The following CNGA1 variants were observed in gnomAD, a reference collection of about 807,000 sequenced individuals.
CNGA1 encodes cyclic nucleotide gated channel subunit alpha 1, also known as cyclic nucleotide-gated channel alpha-1.
In CNGA1, 53 loss-of-function variants were observed where a neutral mutation model predicts 69.7. The observed-to-expected ratio is 0.76, with a 90% CI of 0.61 to 0.96. The LOEUF (loss-of-function observed/expected upper bound fraction) is 0.96. Ranked by LOEUF, CNGA1 falls within the 40% of genes least tolerant of loss-of-function variation. The pLI is 0.00. For synonymous variants in CNGA1, 249 were observed against 283.5 expected (o/e 0.88, Z 1.22); for missense variants, 739 against 811.2 (o/e 0.91, Z 1.08).
rs538620397 is a variant in CNGA1, at chr4:47,960,221, C to T, written c.-14-7518G>A. Among the ~76,000 whole-genome samples the T allele has an allele frequency of 3.2e-3, 484 of 152,300 alleles. 1 individual carries two copies. The highest frequency in any genetic ancestry group is 5.5e-3 in the Non-Finnish European group (371 of 68,014). The stretch of plus-strand genomic sequence containing the variant: ...AAATTAAAACCACAAGATACTTTTT[C>T]ACACCTAGTACAATGGCTAAAATTT... On this transcript the variant is annotated intron_variant, in intron 3 of 10. Transcript: ENST00000514170.
At chr4:47,988,981 TAAAA>T (rs1278822068) in intron 2 of CNGA1, among the ~76,000 whole-genome samples, 7 of 143,932 alleles carry the variant, frequency 4.9e-5, no homozygotes, top group South Asian at 4.2e-4. Flanking sequence ...TTCTTAGTTT[TAAAA>T]AAAAAAAGGA....
intron 6 of CNGA1, among the ~76,000 whole-genome samples, chr4:47,943,960 T>C (rs1161418373): frequency 6.6e-6 from 1 of 152,216 alleles, no homozygotes; most frequent in African/African-American, 2.4e-5. Flanking sequence ...CAATTTCTTC[T>C]TGAGTGGAGA....
At chr4:47,991,297 T>C (rs1053624737) in intron 2 of CNGA1, among the ~76,000 whole-genome samples, 22 of 152,318 alleles carry the variant, frequency 1.4e-4, no homozygotes, top group East Asian at 3.9e-4. Context: ...TGTTCCCTCT[T>C]CACCGCATCC....
intron 3 of CNGA1, among the ~76,000 whole-genome samples, chr4:47,960,586 G>A (rs1740378532): frequency 6.6e-6 from 1 of 152,042 alleles, no homozygotes; most frequent in Non-Finnish European, 1.5e-5. Context: ...AAACACATAT[G>A]ATGAAATGAA....
intron 5 of CNGA1, 31 bp downstream of exon 5, chr4:47,951,322 C>G: frequency 7.1e-7 from 1 of 1,409,754 alleles, no homozygotes; most frequent in East Asian, 2.3e-5. Context: ...TGGTTAAAAA[C>G]AAGCACCAAG....
chr4:48,009,390 G>A (rs148459808), intron 2 of CNGA1, among the ~76,000 whole-genome samples: 203 of 150,758 alleles, frequency 1.3e-3, no homozygotes, highest in South Asian at 2.1e-3. Flanking sequence ...ACTTGAACCC[G>A]GGAAGCAGAG....
intron 3 of CNGA1, among the ~76,000 whole-genome samples, chr4:47,954,737 C>A (rs1739959906): frequency 6.6e-6 from 1 of 152,210 alleles, no homozygotes; most frequent in African/African-American, 2.4e-5. Flanking sequence ...GAACATACTT[C>A]TGTTCAAAAC....
chr4:48,004,909 A>G (rs1035647707), intron 2 of CNGA1, among the ~76,000 whole-genome samples: 2 of 152,114 alleles, frequency 1.3e-5, no homozygotes, highest in African/African-American at 2.4e-5. Context: ...AAGAAACTGA[A>G]AGCAATATTT....
intron 2 of CNGA1, among the ~76,000 whole-genome samples, chr4:47,989,853 G>A: frequency 6.6e-6 from 1 of 151,638 alleles, no homozygotes; most frequent in East Asian, 1.9e-4. Flanking sequence ...ATTGCGGGAA[G>A]TCAAGAACCC....
intron 2 of CNGA1, among the ~76,000 whole-genome samples, chr4:48,003,627 C>T (rs530300699): frequency 6.6e-6 from 1 of 151,886 alleles, no homozygotes; most frequent in East Asian, 1.9e-4. Flanking sequence ...CTCTTTATTC[C>T]AATATTATAA....
Position 48,006,153 on chromosome 4 carries a change from TCTCC to T in CNGA1, c.-123+4637_-123+4640del, listed in dbSNP as rs1187533457. ...GCTTGATATTCATGAATATTTTATC[TCTCC>T]ATGAGTCCTGAAAGTTTTTCATCTA... On this transcript the variant is annotated intron_variant, in intron 2 of 10. Transcript: ENST00000514170. 1.8e-4 allele frequency among the ~76,000 whole-genome samples: 28 copies of T among 152,268 alleles called. No individual in the cohort carries two copies. In the East Asian group the frequency reaches 5.2e-3, roughly 28 times the overall value.
At chr4:47,938,678 A>C (rs1738848218) in intron 10 of CNGA1, among the ~76,000 whole-genome samples, 1 of 152,102 alleles carries the variant, frequency 6.6e-6, no homozygotes, top group Non-Finnish European at 1.5e-5. Context: ...GGCATGAGCC[A>C]CTGAGCGCGG....
chr4:48,005,126 T>G (rs113081361), intron 2 of CNGA1, among the ~76,000 whole-genome samples: 5 of 151,418 alleles, frequency 3.3e-5, no homozygotes, highest in South Asian at 2.1e-4. Flanking sequence ...ATTTATTTAT[T>G]TATTTATTTG....
chr4:47,985,020 T>G (rs1319931265), intron 2 of CNGA1, among the ~76,000 whole-genome samples: 1 of 152,196 alleles, frequency 6.6e-6, no homozygotes, highest in East Asian at 1.9e-4. Context: ...GGACTGAGTT[T>G]GAATCTCAGC....
At chr4:48,009,015 G>A (rs1715036022) in intron 2 of CNGA1, among the ~76,000 whole-genome samples, 2 of 151,782 alleles carry the variant, frequency 1.3e-5, no homozygotes, top group Non-Finnish European at 2.9e-5. Context: ...GGGTTTATAG[G>A]TTTGTAACCC....
At chr4:48,004,285 A>C (rs1357428856) in intron 2 of CNGA1, among the ~76,000 whole-genome samples, 13 of 152,120 alleles carry the variant, frequency 8.5e-5, no homozygotes, top group Admixed American at 7.9e-4. Flanking sequence ...CTTGTATCCA[A>C]TAAATATCAG....
chr4:47,942,287 G>T, intron 8 of CNGA1, 139 bp from the exon 9 acceptor site: 1 of 655,440 alleles, frequency 1.5e-6, no homozygotes, highest in Non-Finnish European at 2.8e-6. Flanking sequence ...GCAGTGTGAA[G>T]ATTAGCATGG....
Position 47,951,349 on chromosome 4 carries a change from T to C in CNGA1, c.224+4A>G. 6.4e-7 allele frequency: 1 copy of C among 1,563,082 alleles called. No homozygotes were observed. The highest frequency in any genetic ancestry group is 8.8e-7 in the Non-Finnish European group (1 of 1,133,836). ...AGCACCAAGGGATGGATCATACTGC[T>C]CACCTCTGTGATGGTCCTCCCTTTC... On this transcript the variant is annotated splice_donor_region_variant and intron_variant, in intron 5 of 10. Coordinates refer to ENST00000514170, the MANE Select transcript of CNGA1 (RefSeq NM_001379270.1).
intron 1 of CNGA1, among the ~76,000 whole-genome samples, chr4:48,011,346 A>C (rs985518972): frequency 8.6e-5 from 13 of 151,954 alleles, no homozygotes; most frequent in Admixed American, 1.3e-4. Context: ...GGGAGAGAAA[A>C]AAAACAAAAC....
Sources: gnomAD v4.1 joint callset for allele counts (sites outside exome capture counted in the v4.1 genomes callset) on GRCh38, gnomAD v4.1.1 for gene constraint, MANE v1.5 for transcripts, NCBI Gene and HGNC (gene_info 2026-07-23, HGNC 2026-07-21) for gene names.